Variants in TBC1D8 observed in about 807,000 individuals in gnomAD.
The protein encoded by TBC1D8 is TBC1 domain family member 8, also known as BUB2-like protein 1.
A neutral mutation model predicts 118.8 loss-of-function variants in TBC1D8; 65 were observed. The ratio of observed to expected loss-of-function variants is 0.55; its 90% CI spans 0.45 to 0.67. The LOEUF (loss-of-function observed/expected upper bound fraction) is 0.67, where lower values mean the gene tolerates loss of function less well. TBC1D8 is among the 30% of genes least tolerant of loss of function. TBC1D8 has a pLI of 0.00. For missense variants in TBC1D8, 1,376 were observed against 1,471.2 expected (o/e 0.94, Z 1.06); for synonymous variants, 566 against 595.8 (o/e 0.95, Z 0.73).
At chr2:101,011,226 C>A in intron 18 of TBC1D8, 200 bp from the exon 19 acceptor site, 1 of 686,446 alleles carries the variant, frequency 1.5e-6, no homozygotes, top group Non-Finnish European at 2.4e-6. Flanking sequence ...ACCCGTGAAA[C>A]AGCAAACAGG....
chr2:101,081,402 A>T (rs376450264), intron 2 of TBC1D8, among the ~76,000 whole-genome samples: 1 of 152,134 alleles, frequency 6.6e-6, no homozygotes, highest in East Asian at 1.9e-4. Context: ...GACAGACCTT[A>T]CTGGCTACAT....
intron 11 of TBC1D8, among the ~76,000 whole-genome samples, chr2:101,030,367 T>G (rs2105387083): frequency 6.6e-6 from 1 of 152,280 alleles, no homozygotes; most frequent in South Asian, 2.1e-4. Flanking sequence ...GGCTAAAGAT[T>G]TAAACACTCA....
intron 1 of TBC1D8, among the ~76,000 whole-genome samples, chr2:101,095,581 CTCA>C (rs1247173715): frequency 6.6e-6 from 1 of 152,006 alleles, no homozygotes; most frequent in Non-Finnish European, 1.5e-5. Context: ...AGGACATGAA[CTCA>C]TCATTTTTTA....
At chr2:101,071,167 G>A (rs978158043) in intron 2 of TBC1D8, among the ~76,000 whole-genome samples, 3 of 152,028 alleles carry the variant, frequency 2.0e-5, no homozygotes, top group South Asian at 2.1e-4. Flanking sequence ...GTGAAACTCC[G>A]TCTCTACTAA....
At chr2:101,087,243 CA>C (rs1474589314) in intron 2 of TBC1D8, among the ~76,000 whole-genome samples, 4 of 152,058 alleles carry the variant, frequency 2.6e-5, no homozygotes, top group Non-Finnish European at 5.9e-5. Flanking sequence ...AGTCCAGAAA[CA>C]AGGGCAAACA....
At chr2:101,064,229 A>C (rs1682905746) in intron 2 of TBC1D8, among the ~76,000 whole-genome samples, 1 of 152,178 alleles carries the variant, frequency 6.6e-6, no homozygotes, top group African/African-American at 2.4e-5. Flanking sequence ...TGTCCTTATA[A>C]GAAGAGACAC....
chr2:101,068,205 TA>T (rs1473898587), intron 2 of TBC1D8, among the ~76,000 whole-genome samples: 1 of 152,160 alleles, frequency 6.6e-6, no homozygotes, highest in Non-Finnish European at 1.5e-5. Flanking sequence ...AAACTCCTAT[TA>T]ATGTTGGTAT....
intron 15 of TBC1D8, among the ~76,000 whole-genome samples, chr2:101,027,070 A>G (rs1680379318): frequency 6.6e-6 from 1 of 152,222 alleles, no homozygotes; most frequent in African/African-American, 2.4e-5. Context: ...TCACTAGAGC[A>G]GCGGTGAGCA....
At position 101,037,537 on chromosome 2, in the gene TBC1D8, G is replaced by A. The variant is rs772986474; in HGVS notation, c.1447C>T (p.Arg483Ter). ...GGGCACCAGGCGTCACCCACCATTC[G>A]GGAGTCAGGGCTCTGGCTGCCTGAC... is the stretch of plus-strand genomic sequence containing the variant. Reference protein sequence around the residue: ...QQSGSQSPDSRMSREQIKISL... With the variant: ...QQSGSQSPDS The change falls in exon 8 of 20, where the codon CGA becomes TGA. Residue 483 changes from arginine (R) to a stop codon, truncating the protein, a stop_gained. Transcript: ENST00000409318. LOFTEE classifies it high-confidence loss of function. 8.7e-6 allele frequency: 14 copies of A among 1,612,044 alleles called. No homozygotes were observed. Among genetic ancestry groups the A allele is most frequent in the South Asian group, 1.1e-5 (1 of 91,006 alleles).
intron 2 of TBC1D8, among the ~76,000 whole-genome samples, chr2:101,087,984 T>C (rs915152987): frequency 6.6e-6 from 1 of 152,264 alleles, no homozygotes; most frequent in Non-Finnish European, 1.5e-5. Context: ...ATCTCTCTTG[T>C]ACTAAAGAAA....
rs537462797 is a variant in TBC1D8 at position 101,038,424 on chromosome 2, TGAA to T, written c.1275+34_1275+36del. On this transcript the variant is annotated intron_variant, in intron 7 of 19. Transcript: ENST00000409318. ...CCTTTGGAGACCACGGCCTGAGACA[TGAA>T]GAAGGGGATCATCAGGGTCTGGAGG... 21 of 1,600,204 alleles carry T rather than the reference TGAA, an allele frequency of 1.3e-5. No homozygotes were observed. In the East Asian group the frequency reaches 4.7e-4, roughly 36 times the overall value.
At chr2:101,060,797 A>T (rs751453307) in intron 2 of TBC1D8, among the ~76,000 whole-genome samples, 8 of 152,196 alleles carry the variant, frequency 5.3e-5, no homozygotes, top group Non-Finnish European at 1.2e-4. Flanking sequence ...GAAGCAGGAG[A>T]TATTCTAACC....
chr2:101,034,896 G>A (rs578254353), intron 9 of TBC1D8, among the ~76,000 whole-genome samples: 9 of 152,308 alleles, frequency 5.9e-5, no homozygotes, highest in South Asian at 2.1e-4. Context: ...CAGGAGGCAG[G>A]AAGGAGATGA....
chr2:101,142,855 G>A (rs190449055), intron 1 of TBC1D8, among the ~76,000 whole-genome samples: 1 of 152,052 alleles, frequency 6.6e-6, no homozygotes, highest in African/African-American at 2.4e-5. Flanking sequence ...CACAGAAGGG[G>A]TCTCTCAGGC....
chr2:101,074,431 G>A (rs972086444), intron 2 of TBC1D8, among the ~76,000 whole-genome samples: 6 of 152,164 alleles, frequency 3.9e-5, no homozygotes, highest in Non-Finnish European at 7.4e-5. Context: ...GACACAAAGT[G>A]AACACATTCC....
At position 101,008,058 on chromosome 2, in the gene TBC1D8, G is replaced by A. The variant is rs745532065; in HGVS notation, c.3231C>T (p.Asp1077=). 6.2e-6 allele frequency: 10 copies of A among 1,613,832 alleles called. No homozygotes were observed. Among genetic ancestry groups the A allele is most frequent in the African/African-American group, 1.3e-5 (1 of 74,892 alleles). Residue 1077 remains aspartate (D), a synonymous_variant, in exon 20 of 20, where the codon GAC becomes GAT. Transcript: ENST00000409318. Reference sequence around the variant, plus strand: ...GGGAGTCCTGGGGCGTCTTCCCAGTGTCTGCAAAAACCGAGTCCTCAGGAG... The same window carrying A: ...GGGAGTCCTGGGGCGTCTTCCCAGTATCTGCAAAAACCGAGTCCTCAGGAG... ...APSPEDSVFA[D]TGKTPQDSQA... is the part of the protein sequence containing the mutation.
intron 1 of TBC1D8, among the ~76,000 whole-genome samples, chr2:101,121,047 G>A (rs1488040749): frequency 1.3e-5 from 2 of 152,198 alleles, no homozygotes; most frequent in Admixed American, 1.3e-4. Flanking sequence ...CAAGTAGCAT[G>A]ATAACGTTGA....
rs372444689 is a variant in TBC1D8 at position 101,033,697 on chromosome 2, C to T, written c.1665G>A (p.Leu555=). ...GYYGNLVEES[L]GKCCLVTEEI... is the part of the protein sequence containing the mutation. ...CCTCGGTTACCAGGCAGCATTTCCC[C>T]AGGGACTCCTCCACCAGATTCCCGT... The change falls in exon 10 of 20, where the codon CTG becomes CTA. Residue 555 remains leucine, a synonymous_variant. Coordinates refer to ENST00000409318, the MANE Select transcript of TBC1D8 (RefSeq NM_001330348.2). 24 of 1,613,848 alleles carry T rather than the reference C, an allele frequency of 1.5e-5. No individual in the cohort carries two copies. Among genetic ancestry groups the T allele is most frequent in the African/African-American group, 8.0e-5 (6 of 74,906 alleles).
chr2:101,072,266 C>G (rs1674498297), intron 2 of TBC1D8, among the ~76,000 whole-genome samples: 1 of 152,156 alleles, frequency 6.6e-6, no homozygotes, highest in Non-Finnish European at 1.5e-5. Context: ...ATGGAAAACA[C>G]TGCACCAGCA....
Sources: gnomAD v4.1 joint callset for allele counts (sites outside exome capture counted in the v4.1 genomes callset) on GRCh38, gnomAD v4.1.1 for gene constraint, MANE v1.5 for transcripts, NCBI Gene and HGNC (gene_info 2026-07-23, HGNC 2026-07-21) for gene names.